Variants in STUM observed in about 807,000 individuals in gnomAD.
STUM encodes stum, mechanosensory transduction mediator homolog, also known as protein stum homolog.
Under a neutral mutation model 15.3 loss-of-function variants are expected in STUM, and 8 were observed. That is an observed-to-expected ratio of 0.52 (90% CI 0.31 to 0.94). The LOEUF (loss-of-function observed/expected upper bound fraction) is 0.94. STUM is among the 40% of genes least tolerant of loss of function. STUM has a pLI of 0.05. For missense variants in STUM, 142 were observed against 204.9 expected (o/e 0.69, Z 1.87); for synonymous variants, 78 against 88.7 (o/e 0.88, Z 0.68).
In STUM at chr1:226,548,911, C is replaced by A. The variant is rs1353889707; in HGVS notation, c.7C>A (p.Pro3Thr). Reference protein sequence around the residue: MEPSHKDAETAAA... With the variant: METSHKDAETAAA... ...CCTGAGAGCGCGCCCGGCCATGGAG[C>A]CCTCGCACAAAGACGCCGAGACGGC... is the stretch of plus-strand genomic sequence containing the variant. Residue 3 changes from proline to threonine, a missense_variant, in exon 1 of 4, where the codon CCC (proline) becomes ACC (threonine). Physicochemically the swap from Pro to Thr is conservative, Grantham distance 38. Around this residue, in one of 2 missense-constraint regions of STUM, gnomAD observed 113 missense variants for 134.4 expected, o/e 0.84. Coordinates refer to ENST00000366788, the MANE Select transcript of STUM (RefSeq NM_001003665.4). 3 of 1,419,078 alleles carry A rather than the reference C, an allele frequency of 2.1e-6. No homozygotes were observed. The highest frequency in any genetic ancestry group is 6.8e-5 in the Admixed American group (2 of 29,356). The allele number at this position is 1,419,078 out of a possible 1,614,324, so 87.9% of individuals were successfully genotyped here.
At chr1:226,562,917 A>G (rs1667565084) in intron 1 of STUM, among the ~76,000 whole-genome samples, 1 of 152,244 alleles carries the variant, frequency 6.6e-6, no homozygotes, top group African/African-American at 2.4e-5. Flanking sequence ...CTATGAATAT[A>G]TAAGAGAATA....
At position 226,549,092 on chromosome 1, in the gene STUM, T is replaced by C; in HGVS notation, c.188T>C (p.Phe63Ser). 6.3e-7 allele frequency: 1 copy of C among 1,579,500 alleles called. No individual in the cohort carries two copies. The highest frequency in any genetic ancestry group is 8.6e-7 in the Non-Finnish European group (1 of 1,165,630). Residue 63 changes from phenylalanine to serine, a missense_variant, in exon 1 of 4, where the codon TTC becomes TCC. Physicochemically the swap from Phe to Ser is radical, Grantham distance 155. Coordinates refer to ENST00000366788, the MANE Select transcript of STUM (RefSeq NM_001003665.4). This position sits in a 1 kb window ranked among gnomAD's most constrained non-coding sequence, Gnocchi z 6.8. ...GTCATCTGCCTCTTCCTCAACACTT[T>C]CGTGCCGGGACTGGGTAAGACACGG... ...VAVICLFLNTFVPGLGTFVSA... is the reference protein window; with the variant it reads ...VAVICLFLNTSVPGLGTFVSA...
At chr1:226,560,434 G>A (rs910652479) in intron 1 of STUM, among the ~76,000 whole-genome samples, 3 of 152,164 alleles carry the variant, frequency 2.0e-5, no homozygotes, top group Admixed American at 6.5e-5. Flanking sequence ...GGCAAGACGC[G>A]AGCAGCCTCC....
chr1:226,592,056 T>C (rs1668095177), intron 1 of STUM, among the ~76,000 whole-genome samples: 1 of 152,198 alleles, frequency 6.6e-6, no homozygotes, highest in Non-Finnish European at 1.5e-5. Flanking sequence ...TTTTTTGTTG[T>C]TGTTGTTTTA....
chr1:226,572,050 G>T (rs567295155), intron 1 of STUM, among the ~76,000 whole-genome samples: 1 of 152,320 alleles, frequency 6.6e-6, no homozygotes, highest in South Asian at 2.1e-4. Context: ...GGCATGGACA[G>T]GTGGTCAGAG....
At chr1:226,590,858 C>T (rs887294004) in intron 1 of STUM, among the ~76,000 whole-genome samples, 3 of 152,182 alleles carry the variant, frequency 2.0e-5, no homozygotes, top group African/African-American at 4.8e-5. Flanking sequence ...CCTGCTCCAT[C>T]GCCTGCTCTC....
rs1010897412 is a variant in STUM, at chr1:226,602,880, G to A, written c.*840G>A. 1.3e-5 allele frequency: 2 copies of A among 152,228 alleles called. No homozygotes were observed. Among genetic ancestry groups the A allele is most frequent in the Admixed American group, 6.5e-5 (1 of 15,282 alleles). 9.4% of individuals were successfully genotyped at this position (152,228 alleles called of 1,614,324 possible). A position where few individuals can be genotyped will look rare whatever the true frequency, so the allele number is the denominator to read the frequency against. On this transcript the variant is annotated 3_prime_UTR_variant, in exon 4 of 4. Coordinates refer to ENST00000366788, the MANE Select transcript of STUM (RefSeq NM_001003665.4). ...TTTTCTGAAGTCATTGGGGCCAGAT[G>A]TGTCTCCGAATTGAGAAATTTTAGA... is the stretch of plus-strand genomic sequence containing the variant.
intron 2 of STUM, chr1:226,597,527 T>C: frequency 2.2e-6 from 1 of 463,078 alleles, no homozygotes. Context: ...AAACCATTCA[T>C]AGCTGGGATC....
At chr1:226,573,730 T>A (rs2102696621) in intron 1 of STUM, among the ~76,000 whole-genome samples, 1 of 152,296 alleles carries the variant, frequency 6.6e-6, no homozygotes, top group African/African-American at 2.4e-5. Flanking sequence ...AATACTACAG[T>A]CAAGCAAATG....
In STUM at chr1:226,567,770, G is replaced by A. The variant is rs577944180; in HGVS notation, c.202+18664G>A. ...GAGGGGTCTCTAGTGAGCAGGTCAC[G>A]CATTTGGCACCAGATGCTGCCTAAT... On this transcript the variant is annotated intron_variant, in intron 1 of 3. Transcript: ENST00000366788. This position sits in a 1 kb window ranked among gnomAD's most constrained non-coding sequence, Gnocchi z 4.5. Among the ~76,000 whole-genome samples, 1 of 152,334 alleles carries A rather than the reference G, an allele frequency of 6.6e-6. No homozygotes were observed. Among genetic ancestry groups the A allele is most frequent in the South Asian group, 2.1e-4 (1 of 4,826 alleles).
At chr1:226,560,658 T>G (rs1667524476) in intron 1 of STUM, among the ~76,000 whole-genome samples, 1 of 152,142 alleles carries the variant, frequency 6.6e-6, no homozygotes, top group South Asian at 2.1e-4. Flanking sequence ...TGCATTGGTT[T>G]CAGAAGTGTC....
At chr1:226,575,953 T>C (rs1196992896) in intron 1 of STUM, among the ~76,000 whole-genome samples, 2 of 152,246 alleles carry the variant, frequency 1.3e-5, no homozygotes, top group Non-Finnish European at 2.9e-5. Context: ...CCTGTCATTT[T>C]CCTGTTTGTT....
intron 3 of STUM, among the ~76,000 whole-genome samples, chr1:226,601,149 C>T (rs1294410232): frequency 6.6e-6 from 1 of 151,780 alleles, no homozygotes; most frequent in Non-Finnish European, 1.5e-5. Flanking sequence ...TCTTTTGAGA[C>T]AGAGTCTTGC....
Position 226,600,548 on chromosome 1 carries a change from C to T in STUM, c.383-118C>T. The T allele has an allele frequency of 7.8e-7, 1 of 1,274,136 alleles. No individual in the cohort carries two copies. The highest frequency in any genetic ancestry group is 1.1e-6 in the Non-Finnish European group (1 of 885,734). The allele number at this position is 1,274,136 out of a possible 1,614,324, so 78.9% of individuals were successfully genotyped here. On this transcript the variant is annotated intron_variant, in intron 2 of 3. Coordinates refer to ENST00000366788, the MANE Select transcript of STUM (RefSeq NM_001003665.4). The surrounding 1 kb of genome is among the most constrained non-coding windows in gnomAD (Gnocchi z 5.2). ...CCCTGTCCCATCTCCCAGGCCTCAC[C>T]ATGGATCTGCTTTGTTTCCTGTGCC...
Position 226,561,446 on chromosome 1 carries a change from A to G in STUM, c.202+12340A>G, listed in dbSNP as rs538981604. 8.5e-5 allele frequency among the ~76,000 whole-genome samples: 13 copies of G among 152,170 alleles called. No homozygotes were observed. The South Asian group carries it at 2.7e-3, about 32-fold the overall frequency. ...AGGGCTGCATGCAGAATGAGGGCAG[A>G]TGTGTTGTCCTGCAGCGTGTGTGTC... On this transcript the variant is annotated intron_variant, in intron 1 of 3. Transcript: ENST00000366788.
intron 1 of STUM, among the ~76,000 whole-genome samples, chr1:226,595,246 AAGG>A (rs1338369667): frequency 6.6e-6 from 1 of 152,196 alleles, no homozygotes; most frequent in Non-Finnish European, 1.5e-5. Flanking sequence ...CTCACCCTGG[AAGG>A]AGGAAAGGAA....
At position 226,549,048 on chromosome 1, in the gene STUM, C is replaced by T. The variant is rs747480474; in HGVS notation, c.144C>T (p.Tyr48=). 1 of 1,584,130 alleles carries T rather than the reference C, an allele frequency of 6.3e-7. No homozygotes were observed. Among genetic ancestry groups the T allele is most frequent in the African/African-American group, 1.4e-5 (1 of 71,352 alleles). The change falls in exon 1 of 4, where the codon TAC becomes TAT. Residue 48 remains tyrosine, a synonymous_variant. Coordinates refer to ENST00000366788, the MANE Select transcript of STUM (RefSeq NM_001003665.4). This position sits in a 1 kb window ranked among gnomAD's most constrained non-coding sequence, Gnocchi z 6.8. ...KKGPLRAAIP[Y]MPFPVAVICL... is the part of the protein sequence containing the mutation. ...GCCCCCTGCGCGCCGCCATCCCCTACATGCCCTTCCCCGTGGCCGTCATCT... is the reference window on the plus strand; with the variant it reads ...GCCCCCTGCGCGCCGCCATCCCCTATATGCCCTTCCCCGTGGCCGTCATCT...
intron 1 of STUM, among the ~76,000 whole-genome samples, chr1:226,555,506 C>CTT (rs55732142): frequency 0.89 from 136,125 of 152,220 alleles, 60,897 homozygotes; most frequent in East Asian, 0.93. Context: ...AACTTTGACT[C>CTT]TTTTCTTTTT....
chr1:226,554,408 A>G (rs1266839241), intron 1 of STUM, among the ~76,000 whole-genome samples: 1 of 152,226 alleles, frequency 6.6e-6, no homozygotes, highest in Non-Finnish European at 1.5e-5. Context: ...ACGGGAGTCA[A>G]GAGATGCTGT....
Sources: allele counts gnomAD v4.1 joint callset (sites outside exome capture counted in the v4.1 genomes callset), GRCh38; gene constraint gnomAD v4.1.1; regional missense constraint gnomAD v4.1.1; non-coding constraint Gnocchi (gnomAD v3.1); transcripts MANE v1.5; gene names NCBI Gene and HGNC (gene_info 2026-07-23, HGNC 2026-07-21).